The following CASQ1 variants were observed in gnomAD, a reference collection of about 807,000 sequenced individuals.
The protein encoded by CASQ1 is calsequestrin 1.
In CASQ1, 40 loss-of-function variants were observed where a neutral mutation model predicts 49.5. The ratio of observed to expected loss-of-function variants is 0.81; its 90% CI spans 0.63 to 1.05. The LOEUF (loss-of-function observed/expected upper bound fraction) is 1.05, where lower values mean the gene tolerates loss of function less well. Ranked by LOEUF, CASQ1 falls within the 50% of genes least tolerant of loss-of-function variation. The pLI is 0.00. For missense variants in CASQ1, 469 were observed against 486.9 expected (o/e 0.96, Z 0.35); for synonymous variants, 174 against 187.2 (o/e 0.93, Z 0.58).
At chr1:160,198,377 G>A (rs1028900482) in intron 7 of CASQ1, 2 of 245,372 alleles carry the variant, frequency 8.2e-6, no homozygotes, top group African/African-American at 4.5e-5. Context: ...GGTGGCGCAT[G>A]GCTGTAATCC....
At position 160,190,975 on chromosome 1, in the gene CASQ1, C is replaced by T. The variant is rs1654061132; in HGVS notation, c.224C>T (p.Pro75Leu). 2 of 1,614,012 alleles carry T rather than the reference C, an allele frequency of 1.2e-6. No homozygotes were observed. Among genetic ancestry groups the T allele is most frequent in the African/African-American group, 2.7e-5 (2 of 74,894 alleles). The change falls in exon 1 of 11, where the codon CCC (proline) becomes CTC (leucine). Residue 75 changes from proline (P) to leucine (L), a missense_variant. Coordinates refer to ENST00000368078, the MANE Select transcript of CASQ1 (RefSeq NM_001231.5). ...CTGGCACTCCTCTACCATGAACCCC[C>T]CGAGGATGACAAGGCCTCACAAAGA... ...EVLALLYHEP[P>L]EDDKASQRQF...
chr1:160,195,856 G>A, intron 5 of CASQ1, 41 bp from the exon 6 acceptor site: 1 of 1,603,502 alleles, frequency 6.2e-7, no homozygotes, highest in Non-Finnish European at 8.5e-7. Flanking sequence ...ACATGACCCT[G>A]TGTCTCCTGC....
chr1:160,194,269 C>T (rs978389394), intron 3 of CASQ1, among the ~76,000 whole-genome samples: 3 of 148,648 alleles, frequency 2.0e-5, no homozygotes, highest in Non-Finnish European at 4.5e-5. Flanking sequence ...ACCACACATG[C>T]ACACACACCA....
Position 160,195,443 on chromosome 1 carries a change from C to T in CASQ1, c.578-18C>T. The T allele has an allele frequency of 6.2e-7, 1 of 1,612,522 alleles. No homozygotes were observed. Among genetic ancestry groups the T allele is most frequent in the African/African-American group, 1.3e-5 (1 of 75,014 alleles). ...ACCCTGGTTTCCCCAGAGACTGACT[C>T]TGCATTCCACCCCCCAGATTACAAA... On this transcript the variant is annotated intron_variant, in intron 4 of 10. Transcript: ENST00000368078.
intron 6 of CASQ1, among the ~76,000 whole-genome samples, chr1:160,196,800 G>C (rs575066176): frequency 6.6e-6 from 1 of 152,026 alleles, no homozygotes; most frequent in Non-Finnish European, 1.5e-5. Context: ...ATACAATATC[G>C]TACACCAATG....
chr1:160,197,679 G>T (rs1277359763), intron 7 of CASQ1, 65 bp downstream of exon 7: 4 of 1,124,298 alleles, frequency 3.6e-6, no homozygotes, highest in Non-Finnish European at 4.1e-6. Flanking sequence ...TCAAGTCCTA[G>T]AAAAACCCCA....
intron 4 of CASQ1, 30 bp from the exon 5 acceptor site, chr1:160,195,431 C>T (rs1654194668): frequency 6.2e-7 from 1 of 1,606,156 alleles, no homozygotes; most frequent in South Asian, 1.1e-5. Context: ...CTGGTTTCCC[C>T]AGAGACTGAC....
At chr1:160,201,105 G>C in intron 10 of CASQ1, 140 bp from the exon 11 acceptor site, 1 of 872,280 alleles carries the variant, frequency 1.1e-6, no homozygotes, top group Non-Finnish European at 1.8e-6. Flanking sequence ...CCTTCACCTG[G>C]ACAGTTTCCC....
chr1:160,193,216 G>T (rs1443074778), intron 2 of CASQ1, among the ~76,000 whole-genome samples: 1 of 152,064 alleles, frequency 6.6e-6, no homozygotes, highest in South Asian at 2.1e-4. Context: ...TGCAAACTCC[G>T]CTTCCAACCC....
In CASQ1 at chr1:160,190,715, C is replaced by A; in HGVS notation, c.-37C>A. 1 of 1,600,032 alleles carries A rather than the reference C, an allele frequency of 6.2e-7. No individual in the cohort carries two copies. On this transcript the variant is annotated 5_prime_UTR_variant, in exon 1 of 11. It adds an upstream start codon to the 5' untranslated region. Transcript: ENST00000368078. The stretch of plus-strand genomic sequence containing the variant: ...CCCTCCCTACCCCAGCTAACCTCTT[C>A]TGGACCAGGAGAGCCAACCCAGATC...
Position 160,190,777 on chromosome 1 carries a change from C to T in CASQ1, c.26C>T (p.Pro9Leu), listed in dbSNP as rs771323825. MSATDRMG[P>L]RAVPGLRLAL... ...ATGAGTGCTACAGACAGGATGGGGC[C>T]CAGAGCTGTGCCGGGTCTGCGGCTG... The change falls in exon 1 of 11, where the codon CCC becomes CTC. Residue 9 changes from proline (P) to leucine (L), a missense_variant. By Grantham distance (98) the Pro-to-Leu change is moderately conservative. Transcript: ENST00000368078. 6.2e-7 allele frequency: 1 copy of T among 1,614,102 alleles called. No homozygotes were observed. The highest frequency in any genetic ancestry group is 1.3e-5 in the African/African-American group (1 of 75,038).
chr1:160,191,093 T>TAC (rs1302270795), intron 1 of CASQ1, 63 bp downstream of exon 1: 1 of 1,542,662 alleles, frequency 6.5e-7, no homozygotes, highest in African/African-American at 1.4e-5. Context: ...TCCCCTATCC[T>TAC]ACACCCATGT....
At position 160,201,601 on chromosome 1, in the gene CASQ1, CT is replaced by C; in HGVS notation, c.*227del. Reference sequence around the variant, plus strand: ...GCTCTCTCTTATCTGACTTCTGTTTCTTATCCCATAACTTACTTGTATCTAT... The same window carrying C: ...GCTCTCTCTTATCTGACTTCTGTTTCTATCCCATAACTTACTTGTATCTAT... On this transcript the variant is annotated 3_prime_UTR_variant, in exon 11 of 11. Coordinates refer to ENST00000368078, the MANE Select transcript of CASQ1 (RefSeq NM_001231.5). 1 of 583,806 alleles carries C rather than the reference CT, an allele frequency of 1.7e-6. No individual in the cohort carries two copies. Among genetic ancestry groups the C allele is most frequent in the Non-Finnish European group, 3.1e-6 (1 of 326,498 alleles). 36.2% of individuals were successfully genotyped at this position (583,806 alleles called of 1,614,324 possible).
chr1:160,201,223 C>T, intron 10 of CASQ1, 22 bp from the exon 11 acceptor site: 6 of 1,609,146 alleles, frequency 3.7e-6, no homozygotes, highest in Non-Finnish European at 5.1e-6. Context: ...TAGCTTCCGT[C>T]CCTGCCTGTG....
chr1:160,195,391 C>T (rs769241957), intron 4 of CASQ1, 70 bp from the exon 5 acceptor site: 11 of 1,413,342 alleles, frequency 7.8e-6, no homozygotes, highest in African/African-American at 5.6e-5. Flanking sequence ...GAATTGGGGA[C>T]GATAGTGGGG....
Position 160,193,660 on chromosome 1 carries a change from C to T in CASQ1, c.365-87C>T. ...GGGGCCCCGGTGATTATCAAACGGGCTGTGGCCGAGGATTTGGACCTTGAA... is the reference window on the plus strand; with the variant it reads ...GGGGCCCCGGTGATTATCAAACGGGTTGTGGCCGAGGATTTGGACCTTGAA... On this transcript the variant is annotated intron_variant, in intron 2 of 10. Transcript: ENST00000368078. The T allele has an allele frequency of 3.8e-6, 3 of 796,460 alleles. No individual in the cohort carries two copies. The South Asian group carries it at 4.8e-5, about 13-fold the overall frequency. 49.3% of individuals were successfully genotyped at this position (796,460 alleles called of 1,614,324 possible).
chr1:160,192,920 G>A, intron 2 of CASQ1, 34 bp downstream of exon 2: 1 of 1,575,724 alleles, frequency 6.3e-7, no homozygotes. Flanking sequence ...GGGGAAGGTG[G>A]CATTGAGACA....
chr1:160,193,966 C>T (rs1252518906), intron 3 of CASQ1, 119 bp downstream of exon 3: 13 of 658,152 alleles, frequency 2.0e-5, no homozygotes, highest in East Asian at 8.4e-5. Context: ...ATACACCACA[C>T]GCACACACAC....
Position 160,190,975 on chromosome 1 carries a change from C to G in CASQ1, c.224C>G (p.Pro75Arg). ...CTGGCACTCCTCTACCATGAACCCC[C>G]CGAGGATGACAAGGCCTCACAAAGA... ...EVLALLYHEP[P>R]EDDKASQRQF... The change falls in exon 1 of 11, where the codon CCC (proline) becomes CGC (arginine). Residue 75 changes from proline to arginine, a missense_variant. By Grantham distance (103) the Pro-to-Arg change is moderately radical. Coordinates refer to ENST00000368078, the MANE Select transcript of CASQ1 (RefSeq NM_001231.5). The G allele has an allele frequency of 1.2e-6, 2 of 1,614,132 alleles. No individual in the cohort carries two copies. Among genetic ancestry groups the G allele is most frequent in the South Asian group, 2.2e-5 (2 of 91,080 alleles).
Sources: allele counts gnomAD v4.1 joint callset (sites outside exome capture counted in the v4.1 genomes callset), GRCh38; gene constraint gnomAD v4.1.1; transcripts MANE v1.5; gene names NCBI Gene and HGNC (gene_info 2026-07-23, HGNC 2026-07-21).